Variants in CAMK4 observed in about 807,000 individuals in gnomAD.
CAMK4 encodes the protein calcium/calmodulin dependent protein kinase IV.
Under a neutral mutation model 44.9 loss-of-function variants are expected in CAMK4, and 22 were observed. The ratio of observed to expected loss-of-function variants is 0.49; its 90% CI spans 0.35 to 0.70. The LOEUF is 0.70. Among genes scored for constraint, CAMK4 ranks in the 30% least tolerant of loss-of-function variants. The pLI is 0.01. For synonymous variants in CAMK4, 218 were observed against 215.4 expected, an observed-to-expected ratio of 1.01 and a Z score of -0.11; for missense variants, 498 against 586.8, an observed-to-expected ratio of 0.85 and a Z score of 1.56.
At position 111,395,230 on chromosome 5, in the gene CAMK4, A is replaced by AGG. The variant is rs1189088528; in HGVS notation, c.459+448_459+449insGG. Among the ~76,000 whole-genome samples the AGG allele has an allele frequency of 1.2e-3, 124 of 106,442 alleles. 2 individuals carry two copies. Among genetic ancestry groups the AGG allele is most frequent in the Non-Finnish European group, 1.9e-3 (108 of 55,894 alleles). 69.8% of individuals were successfully genotyped at this position (106,442 alleles called of 152,430 possible). A position where few individuals can be genotyped will look rare whatever the true frequency, so the allele number is the denominator to read the frequency against. Reference sequence around the variant, plus strand: ...CTGTCTCAAAAAAAAAAAAAAAAGAAAAAAAAAAAGAAAAAGAAAAAAGAA... The same window carrying AGG: ...CTGTCTCAAAAAAAAAAAAAAAAGAAGGAAAAAAAAAGAAAAAGAAAAAAGAA... On this transcript the variant is annotated intron_variant, in intron 5 of 10. Coordinates refer to ENST00000282356, the MANE Select transcript of CAMK4 (RefSeq NM_001744.6).
chr5:111,324,950 G>A (rs1301083024), intron 1 of CAMK4, among the ~76,000 whole-genome samples: 4 of 151,872 alleles, frequency 2.6e-5, no homozygotes, highest in African/African-American at 9.7e-5. Flanking sequence ...CGTCATCTAT[G>A]TTTTAAGCCC....
At chr5:111,302,008 GA>G (rs770580042) in intron 1 of CAMK4, among the ~76,000 whole-genome samples, 1 of 152,210 alleles carries the variant, frequency 6.6e-6, no homozygotes, top group Non-Finnish European at 1.5e-5. Flanking sequence ...AGAATTCGGT[GA>G]GGATGTTTGC....
intron 5 of CAMK4, among the ~76,000 whole-genome samples, chr5:111,427,424 G>T (rs1162416722): frequency 6.6e-6 from 1 of 152,190 alleles, no homozygotes; most frequent in Non-Finnish European, 1.5e-5. Flanking sequence ...CACCTCAGCG[G>T]GGGTAGAACA....
chr5:111,365,404 A>G (rs1750753993), intron 2 of CAMK4, among the ~76,000 whole-genome samples: 3 of 152,244 alleles, frequency 2.0e-5, no homozygotes, highest in African/African-American at 7.2e-5. Flanking sequence ...AAAAGAACTG[A>G]GAGGCAAGAA....
At chr5:111,367,571 C>T (rs899088085) in intron 2 of CAMK4, among the ~76,000 whole-genome samples, 1 of 151,988 alleles carries the variant, frequency 6.6e-6, no homozygotes, top group Non-Finnish European at 1.5e-5. Flanking sequence ...AAGTGAATGC[C>T]CTTTAGCTAT....
chr5:111,451,847 T>C (rs555139415), intron 7 of CAMK4, among the ~76,000 whole-genome samples: 69 of 152,306 alleles, frequency 4.5e-4, no homozygotes, highest in African/African-American at 1.4e-3. Context: ...TGCAGTGAGC[T>C]ATGATTTTAC....
chr5:111,416,834 G>A (rs1231097163), intron 5 of CAMK4, among the ~76,000 whole-genome samples: 1 of 152,028 alleles, frequency 6.6e-6, no homozygotes, highest in East Asian at 1.9e-4. Flanking sequence ...TAATACTAAT[G>A]TTATAATTGT....
At chr5:111,388,872 T>G (rs1358085990) in intron 4 of CAMK4, among the ~76,000 whole-genome samples, 3 of 152,174 alleles carry the variant, frequency 2.0e-5, no homozygotes, top group African/African-American at 7.2e-5. Flanking sequence ...CAGTAAAGTT[T>G]CCATTAACTA....
Position 111,319,347 on chromosome 5 carries a change from A to G in CAMK4, c.162-24677A>G, listed in dbSNP as rs116121574. On this transcript the variant is annotated intron_variant, in intron 1 of 10. Coordinates refer to ENST00000282356, the MANE Select transcript of CAMK4 (RefSeq NM_001744.6). ...GAGACACAGCAGTCTTGGATTCAGTATCAGCTTTTCCCTTTGTTAACTATG... is the reference window on the plus strand; with the variant it reads ...GAGACACAGCAGTCTTGGATTCAGTGTCAGCTTTTCCCTTTGTTAACTATG... Among the ~76,000 whole-genome samples the G allele has an allele frequency of 8.5e-3, 1,296 of 152,330 alleles. 17 individuals carry two copies. The highest frequency in any genetic ancestry group is 0.03 in the African/African-American group (1,248 of 41,570).
chr5:111,455,476 G>C (rs991574915), intron 7 of CAMK4, among the ~76,000 whole-genome samples: 1 of 152,194 alleles, frequency 6.6e-6, no homozygotes, highest in African/African-American at 2.4e-5. Flanking sequence ...AAGGCATGAT[G>C]AAAGTGTAGA....
At position 111,428,831 on chromosome 5, in the gene CAMK4, C is replaced by G. The variant is rs570109990; in HGVS notation, c.460-17855C>G. 7.2e-5 allele frequency among the ~76,000 whole-genome samples: 11 copies of G among 152,192 alleles called. 1 individual carries two copies. Among genetic ancestry groups the G allele is most frequent in the African/African-American group, 2.4e-4 (10 of 41,536 alleles). On this transcript the variant is annotated intron_variant, in intron 5 of 10. Transcript: ENST00000282356. ...ACTTCCCAAACCTAGAGAAAGATATCAATATCCAAGTACAAGGAGGTTATA... is the reference window on the plus strand; with the variant it reads ...ACTTCCCAAACCTAGAGAAAGATATGAATATCCAAGTACAAGGAGGTTATA...
intron 8 of CAMK4, among the ~76,000 whole-genome samples, chr5:111,477,681 G>T (rs993316244): frequency 7.9e-5 from 12 of 152,128 alleles, no homozygotes; most frequent in Non-Finnish European, 1.5e-4. Flanking sequence ...AGTAGAAAAT[G>T]ATACAAAGAA....
At chr5:111,424,299 C>T (rs1753135749) in intron 5 of CAMK4, among the ~76,000 whole-genome samples, 1 of 152,208 alleles carries the variant, frequency 6.6e-6, no homozygotes, top group Non-Finnish European at 1.5e-5. Context: ...CAATTTCCTC[C>T]ACTTGTTTTG....
At chr5:111,424,270 C>T (rs1753134742) in intron 5 of CAMK4, among the ~76,000 whole-genome samples, 1 of 152,162 alleles carries the variant, frequency 6.6e-6, no homozygotes, top group Non-Finnish European at 1.5e-5. Context: ...AGGTGCATTG[C>T]ACCAGGTGTG....
chr5:111,479,983 G>A (rs887176741), intron 9 of CAMK4, among the ~76,000 whole-genome samples: 2 of 151,668 alleles, frequency 1.3e-5, no homozygotes, highest in East Asian at 1.9e-4. Context: ...TAAATAAATC[G>A]CATCATGTCC....
chr5:111,432,541 T>C (rs562823588), intron 5 of CAMK4, among the ~76,000 whole-genome samples: 76 of 151,272 alleles, frequency 5.0e-4, no homozygotes, highest in Non-Finnish European at 8.7e-4. Flanking sequence ...AGGGGATAGA[T>C]ACCCCCATTC....
intron 1 of CAMK4, among the ~76,000 whole-genome samples, chr5:111,287,289 CAGA>C (rs1256229526): frequency 5.3e-5 from 8 of 151,924 alleles, no homozygotes; most frequent in Admixed American, 4.6e-4. Flanking sequence ...TGAATCAAGC[CAGA>C]AGAGACAGGA....
chr5:111,379,080 GCT>G (rs1229079356), intron 4 of CAMK4, among the ~76,000 whole-genome samples: 8 of 152,116 alleles, frequency 5.3e-5, no homozygotes, highest in Non-Finnish European at 7.4e-5. Context: ...GGAGCTATGA[GCT>G]CTCTCTAAGG....
intron 1 of CAMK4, among the ~76,000 whole-genome samples, chr5:111,288,266 C>T (rs987209366): frequency 1.3e-5 from 2 of 152,160 alleles, no homozygotes; most frequent in East Asian, 1.9e-4. Flanking sequence ...AATAATGATG[C>T]TCTAAACATC....
Sources: gnomAD v4.1 joint callset for allele counts (sites outside exome capture counted in the v4.1 genomes callset) on GRCh38, gnomAD v4.1.1 for gene constraint, MANE v1.5 for transcripts, NCBI Gene and HGNC (gene_info 2026-07-23, HGNC 2026-07-21) for gene names.